MYH7: variants seen among roughly 807,000 people sequenced by gnomAD.
The protein encoded by MYH7 is myosin-7.
Under a neutral mutation model 225.4 loss-of-function variants are expected in MYH7, and 129 were observed. That is an observed-to-expected ratio of 0.57 (90% confidence interval 0.50 to 0.66). MYH7 has a LOEUF of 0.66. Among genes scored for constraint, MYH7 ranks in the 30% least tolerant of loss-of-function variants. MYH7 has a pLI of 0.00. For missense variants in MYH7, 1,649 were observed against 2,517.0 expected (o/e 0.66, Z 7.38); for synonymous variants, 971 against 1,007.6 (o/e 0.96, Z 0.69).
Position 23,415,292 on chromosome 14 carries a change from C to T in MYH7, c.5284-22G>A, listed in dbSNP as rs1892143734. 6.2e-7 allele frequency: 1 copy of T among 1,614,136 alleles called. No homozygotes were observed. The highest frequency in any genetic ancestry group is 1.3e-5 in the African/African-American group (1 of 74,946). ...CGGCCTGTGTGCAGGAGAGAGGTGG[C>T]ACATGGTCTGGTCAAGTCCTCACAC... On this transcript the variant is annotated intron_variant, in intron 36 of 39. Coordinates refer to ENST00000355349, the MANE Select transcript of MYH7 (RefSeq NM_000257.4). This position sits in a 1 kb window ranked among gnomAD's most constrained non-coding sequence, Gnocchi z 6.3.
At position 23,433,026 on chromosome 14, in the gene MYH7, G is replaced by A; in HGVS notation, c.345+58C>T. 1 of 1,611,864 alleles carries A rather than the reference G, an allele frequency of 6.2e-7. No homozygotes were observed. The highest frequency in any genetic ancestry group is 1.1e-5 in the South Asian group (1 of 90,956). ...ACAGAAGACACTCTTGGCTCCTGGG[G>A]TGGACATGGATGGAGCAAGAACAGA... On this transcript the variant is annotated intron_variant, in intron 4 of 39. Coordinates refer to ENST00000355349, the MANE Select transcript of MYH7 (RefSeq NM_000257.4). The surrounding 1 kb of genome is among the most constrained non-coding windows in gnomAD (Gnocchi z 4.1).
chr14:23,428,421 G>C (rs1892783011), intron 15 of MYH7, 79 bp downstream of exon 15: 1 of 1,599,604 alleles, frequency 6.3e-7, no homozygotes, highest in African/African-American at 1.3e-5. Context: ...TCCCCAGAAG[G>C]GAGAGGGGCT....
At chr14:23,416,571 G>A (rs924598850) in intron 33 of MYH7, among the ~76,000 whole-genome samples, 1 of 152,198 alleles carries the variant, frequency 6.6e-6, no homozygotes, top group Non-Finnish European at 1.5e-5. Context: ...GGAAACAGAG[G>A]CAATCAGGTA....
Position 23,421,031 on chromosome 14 carries a change from T to C in MYH7, c.3263A>G (p.Asn1088Ser). 6.2e-7 allele frequency: 1 copy of C among 1,613,168 alleles called. No individual in the cohort carries two copies. Among genetic ancestry groups the C allele is most frequent in the Non-Finnish European group, 8.5e-7 (1 of 1,179,996 alleles). ...ATCCTCAATCCTTGCGTTGAGAGCA[T>C]TCAGCTCAAAGTCTTTTCTGTGGGG... ...ERLKKKDFEL[N>S]ALNARIEDEQ... The change falls in exon 26 of 40, where the codon AAT becomes AGT. Residue 1088 changes from asparagine to serine, a missense_variant. Coordinates refer to ENST00000355349, the MANE Select transcript of MYH7 (RefSeq NM_000257.4).
intron 6 of MYH7, among the ~76,000 whole-genome samples, chr14:23,432,111 T>A (rs965689494): frequency 4.6e-5 from 7 of 152,170 alleles, no homozygotes; most frequent in Admixed American, 4.6e-4. Context: ...CTGGGCAAAG[T>A]AAACAGGGGA....
At chr14:23,432,539 A>G (rs1892991017) in intron 5 of MYH7, 33 bp from the exon 6 acceptor site, 1 of 1,614,086 alleles carries the variant, frequency 6.2e-7, no homozygotes, top group Non-Finnish European at 8.5e-7. Flanking sequence ...AAAGGTCAGG[A>G]GCTGCACAGG....
At chr14:23,430,703 C>G (rs373388190) in intron 10 of MYH7, 40 bp from the exon 11 acceptor site, 2 of 1,557,242 alleles carry the variant, frequency 1.3e-6, no homozygotes, top group Non-Finnish European at 1.8e-6. Context: ...CACAAGCCCC[C>G]GGCTCTCATG....
rs966011719 is a variant in MYH7, at chr14:23,431,791, G to A, written c.609C>T (p.Asp203=). Residue 203 remains aspartate, a synonymous_variant, in exon 7 of 40, where the codon GAC becomes GAT. Coordinates refer to ENST00000355349, the MANE Select transcript of MYH7 (RefSeq NM_000257.4). ...QYFAVIAAIG[D]RSKKDQSPGK... Reference sequence around the variant, plus strand: ...CCGGGCTCTGGTCCTTCTTGCTGCGGTCCCCAATGGCTGCAATAACAGCAA... The same window carrying A: ...CCGGGCTCTGGTCCTTCTTGCTGCGATCCCCAATGGCTGCAATAACAGCAA... The A allele has an allele frequency of 2.5e-6, 4 of 1,614,154 alleles. No individual in the cohort carries two copies. In the South Asian group the frequency reaches 4.4e-5, roughly 18 times the overall value.
intron 10 of MYH7, 30 bp downstream of exon 10, chr14:23,430,871 A>G (rs763229878): frequency 2.0e-6 from 3 of 1,528,414 alleles, no homozygotes; most frequent in Admixed American, 3.3e-5. Context: ...CCATGGAGAT[A>G]GTTGGTCTCA....
chr14:23,432,881 G>T, intron 4 of MYH7, 86 bp from the exon 5 acceptor site: 1 of 1,568,974 alleles, frequency 6.4e-7, no homozygotes, highest in Non-Finnish European at 8.7e-7. Flanking sequence ...TCCCAGGAGA[G>T]AAAGAAGAGA....
At chr14:23,422,076 T>C in intron 25 of MYH7, 104 bp downstream of exon 25, 1 of 1,557,146 alleles carries the variant, frequency 6.4e-7, no homozygotes. Flanking sequence ...CCTCCACTTG[T>C]GGAGGCTGCG....
intron 1 of MYH7, 60 bp downstream of exon 1, chr14:23,435,560 T>A (rs1340463843): frequency 6.6e-6 from 1 of 152,392 alleles, no homozygotes; most frequent in Non-Finnish European, 1.5e-5. Flanking sequence ...CCAAGAGGAA[T>A]CCCTTCCTAA....
chr14:23,426,986 G>T, intron 17 of MYH7, 122 bp from the exon 18 acceptor site: 2 of 956,660 alleles, frequency 2.1e-6, no homozygotes, highest in Non-Finnish European at 3.3e-6. Context: ...CAGAGATGAA[G>T]GGGCCCTGGG....
In MYH7 at chr14:23,422,183, T is replaced by C. The variant is rs1566529102; in HGVS notation, c.3242A>G (p.Lys1081Arg). ...CAGCAGGGAGGGGACACAGTACTTT[T>C]TCAGCCGCTCATCCAGCTGCTGCTT... ...NDKQQLDERL[K>R]KKDFELNALN... Residue 1081 changes from lysine to arginine, a missense_variant, in exon 25 of 40, where the codon AAA becomes AGA. Physicochemically the swap from Lys to Arg is conservative, Grantham distance 26. Around this residue, in one of 12 missense-constraint regions of MYH7, gnomAD observed 282 missense variants for 315.3 expected, o/e 0.89. Transcript: ENST00000355349. 2.2e-5 allele frequency: 35 copies of C among 1,612,728 alleles called. No homozygotes were observed. Among genetic ancestry groups the C allele is most frequent in the Non-Finnish European group, 2.9e-5 (34 of 1,180,034 alleles).
At chr14:23,426,689 T>G (rs1218998525) in intron 18 of MYH7, 88 bp downstream of exon 18, 3 of 1,226,440 alleles carry the variant, frequency 2.4e-6, no homozygotes, top group East Asian at 2.3e-5. Flanking sequence ...GAAACCACTG[T>G]GGTGGTAGGT....
At position 23,433,437 on chromosome 14, in the gene MYH7, A is replaced by C; in HGVS notation, c.201+95T>G. The C allele has an allele frequency of 6.7e-7, 1 of 1,483,528 alleles. No individual in the cohort carries two copies. The allele number at this position is 1,483,528 out of a possible 1,614,324, so 91.9% of individuals were successfully genotyped here. A position where few individuals can be genotyped will look rare whatever the true frequency, so the allele number is the denominator to read the frequency against. ...AGGGAAGGAGAATGGGACCATCCTCAGGTCTGCATGGGCATGGGGCATGGG... is the reference window on the plus strand; with the variant it reads ...AGGGAAGGAGAATGGGACCATCCTCCGGTCTGCATGGGCATGGGGCATGGG... On this transcript the variant is annotated intron_variant, in intron 3 of 39. Coordinates refer to ENST00000355349, the MANE Select transcript of MYH7 (RefSeq NM_000257.4). This position sits in a 1 kb window ranked among gnomAD's most constrained non-coding sequence, Gnocchi z 4.1.
chr14:23,413,891 C>T lies in MYH7; in HGVS notation c.5658G>A (p.Glu1886=). Residue 1886 remains glutamate (E), a splice_region_variant and synonymous_variant, in exon 39 of 40, where the codon GAG becomes GAA. Transcript: ENST00000355349. ...TGGACAGGTTGGTGTTGGCTTGCTCCTCCTGCGGGAGGTGGGAGCATGAGG... is the reference window on the plus strand; with the variant it reads ...TGGACAGGTTGGTGTTGGCTTGCTCTTCCTGCGGGAGGTGGGAGCATGAGG... The part of the protein sequence containing the change: ...KAYKRQAEEA[E]EQANTNLSKF... 1 of 1,614,252 alleles carries T rather than the reference C, an allele frequency of 6.2e-7. No individual in the cohort carries two copies.
At chr14:23,417,811 G>T in intron 30 of MYH7, 125 bp from the exon 31 acceptor site, 1 of 1,346,260 alleles carries the variant, frequency 7.4e-7, no homozygotes, top group Non-Finnish European at 1.0e-6. Flanking sequence ...AGAAGCCTGA[G>T]GACAGGTCCC....
Position 23,427,648 on chromosome 14 carries a change from A to G in MYH7, c.1825T>C (p.Tyr609His). Residue 609 changes from tyrosine (Y) to histidine (H), a missense_variant, in exon 16 of 40, where the codon TAT becomes CAT. Physicochemically the swap from Tyr to His is moderately conservative, Grantham distance 83. This residue lies in a region of MYH7 where 112 missense variants were observed against 161.9 expected (regional missense o/e 0.69). Transcript: ENST00000355349. Reference protein sequence around the residue: ...DPLNETVVGLYQKSSLKLLST... With the variant: ...DPLNETVVGLHQKSSLKLLST... ...AGCAGCTTGAGGGAAGACTTCTGATACAAGCCCACGACAGTCTCATTGAGA... is the reference window on the plus strand; with the variant it reads ...AGCAGCTTGAGGGAAGACTTCTGATGCAAGCCCACGACAGTCTCATTGAGA... 6.2e-7 allele frequency: 1 copy of G among 1,614,194 alleles called. No homozygotes were observed. Among genetic ancestry groups the G allele is most frequent in the African/African-American group, 1.3e-5 (1 of 75,036 alleles).
Sources: allele counts gnomAD v4.1 joint callset (sites outside exome capture counted in the v4.1 genomes callset), GRCh38; gene constraint gnomAD v4.1.1; regional missense constraint gnomAD v4.1.1; non-coding constraint Gnocchi (gnomAD v3.1); transcripts MANE v1.5; gene names NCBI Gene and HGNC (gene_info 2026-07-23, HGNC 2026-07-21).